The following KAT6B variants were observed in gnomAD, a reference collection of about 807,000 sequenced individuals.
KAT6B encodes the protein lysine acetyltransferase 6B.
Under a neutral mutation model 187.5 loss-of-function variants are expected in KAT6B, and 10 were observed. The observed-to-expected ratio is 0.05, with a 90% CI of 0.03 to 0.09. KAT6B has a LOEUF of 0.09. Among genes scored for constraint, KAT6B ranks in the 10% least tolerant of loss-of-function variants. The pLI, the probability that KAT6B is intolerant of heterozygous loss-of-function variation, is 1.00. For synonymous variants in KAT6B, 861 were observed against 926.8 expected, an observed-to-expected ratio of 0.93 and a Z score of 1.29; for missense variants, 1,952 against 2,558.9, an observed-to-expected ratio of 0.76 and a Z score of 5.12.
intron 3 of KAT6B, among the ~76,000 whole-genome samples, chr10:74,948,229 A>G (rs1251574928): frequency 6.6e-6 from 1 of 152,244 alleles, no homozygotes; most frequent in East Asian, 1.9e-4. Context: ...AAGTGTAGTA[A>G]TGGAATTACA....
intron 3 of KAT6B, among the ~76,000 whole-genome samples, chr10:74,959,273 T>C (rs1009543811): frequency 6.6e-6 from 1 of 152,178 alleles, no homozygotes; most frequent in Admixed American, 6.5e-5. Context: ...AATAGCAATC[T>C]GCGCTGCAAT....
chr10:74,863,146 TATAAA>T (rs1843308055), intron 3 of KAT6B, among the ~76,000 whole-genome samples: 1 of 152,258 alleles, frequency 6.6e-6, no homozygotes, highest in African/African-American at 2.4e-5. Flanking sequence ...CAAATTTGAC[TATAAA>T]GATAACTACT....
chr10:74,943,417 G>A (rs575142622), intron 3 of KAT6B, among the ~76,000 whole-genome samples: 285 of 152,246 alleles, frequency 1.9e-3, no homozygotes, highest in Middle Eastern at 3.4e-3. Flanking sequence ...GTCAAAACAA[G>A]CCCAGTAAAG....
intron 3 of KAT6B, among the ~76,000 whole-genome samples, chr10:74,858,077 G>A (rs12253069): frequency 0.023 from 3,510 of 152,040 alleles, 133 homozygotes; most frequent in African/African-American, 0.08. Flanking sequence ...CACAGTTTAT[G>A]GGAGTAATGC....
intron 3 of KAT6B, among the ~76,000 whole-genome samples, chr10:74,923,608 G>T (rs2133084246): frequency 6.6e-6 from 1 of 152,324 alleles, no homozygotes; most frequent in East Asian, 1.9e-4. Flanking sequence ...GCATGGAGAA[G>T]GAGTGTTCTA....
chr10:74,911,800 T>C (rs1284179240), intron 3 of KAT6B, among the ~76,000 whole-genome samples: 1 of 152,132 alleles, frequency 6.6e-6, no homozygotes, highest in Non-Finnish European at 1.5e-5. Context: ...ATGTACTGTT[T>C]CATTTTTAAA....
intron 3 of KAT6B, among the ~76,000 whole-genome samples, chr10:74,916,732 T>G (rs1357423306): frequency 1.3e-5 from 2 of 152,224 alleles, no homozygotes; most frequent in East Asian, 3.8e-4. Flanking sequence ...AAAATTCAGA[T>G]AGTGTAGATA....
intron 3 of KAT6B, among the ~76,000 whole-genome samples, chr10:74,872,795 A>G (rs997465909): frequency 1.3e-5 from 2 of 151,940 alleles, no homozygotes; most frequent in East Asian, 1.9e-4. Context: ...GGTTACAGGC[A>G]TGAGCCACTG....
At chr10:74,936,998 C>A (rs1169142627) in intron 3 of KAT6B, among the ~76,000 whole-genome samples, 1 of 152,078 alleles carries the variant, frequency 6.6e-6, no homozygotes. Context: ...TTGATGTTTT[C>A]TTTGGCAAGC....
At chr10:74,872,344 C>T (rs1444589862) in intron 3 of KAT6B, among the ~76,000 whole-genome samples, 1 of 152,158 alleles carries the variant, frequency 6.6e-6, no homozygotes, top group Non-Finnish European at 1.5e-5. Flanking sequence ...GCTACATGAC[C>T]TAAATAAAGG....
At chr10:74,950,266 GTA>G (rs1385026549) in intron 3 of KAT6B, among the ~76,000 whole-genome samples, 3 of 152,164 alleles carry the variant, frequency 2.0e-5, no homozygotes, top group Admixed American at 6.5e-5. Flanking sequence ...GGGTACAGGA[GTA>G]TAGAGAAAAT....
chr10:74,959,616 C>G (rs1333563963), intron 3 of KAT6B, among the ~76,000 whole-genome samples: 1 of 152,062 alleles, frequency 6.6e-6, no homozygotes, highest in Admixed American at 6.6e-5. Context: ...ATGGTGAAAC[C>G]CCATCTCTAC....
At chr10:74,958,090 T>A (rs1840815518) in intron 3 of KAT6B, among the ~76,000 whole-genome samples, 1 of 152,234 alleles carries the variant, frequency 6.6e-6, no homozygotes, top group Admixed American at 6.5e-5. Context: ...AAGATGAGAT[T>A]TGCAGTCATA....
Position 75,028,627 on chromosome 10 carries a change from G to A in KAT6B, c.3803G>A (p.Gly1268Glu). The change falls in exon 18 of 18, where the codon GGA becomes GAA. Residue 1268 changes from glycine to glutamate, a missense_variant. Coordinates refer to ENST00000287239, the MANE Select transcript of KAT6B (RefSeq NM_012330.4). ...KWRQNKERKT[G>E]FKLNLYTPPE... ...AGGCAAAACAAAGAGAGGAAGACCG[G>A]ATTTAAACTGAATTTGTACACCCCG... 2 of 1,614,162 alleles carry A rather than the reference G, an allele frequency of 1.2e-6. No homozygotes were observed. Among genetic ancestry groups the A allele is most frequent in the Non-Finnish European group, 1.7e-6 (2 of 1,180,032 alleles).
chr10:75,003,629 A>G (rs897515958), intron 13 of KAT6B, among the ~76,000 whole-genome samples: 3 of 152,196 alleles, frequency 2.0e-5, no homozygotes, highest in African/African-American at 4.8e-5. Context: ...AGTCTGTAAT[A>G]TAATAAGGAA....
At chr10:74,962,604 A>G (rs1169498303) in intron 4 of KAT6B, among the ~76,000 whole-genome samples, 3 of 152,200 alleles carry the variant, frequency 2.0e-5, no homozygotes, top group African/African-American at 4.8e-5. Flanking sequence ...GGAAATATAG[A>G]TGGCAGCCTG....
chr10:74,966,395 C>T (rs546903352), intron 4 of KAT6B, among the ~76,000 whole-genome samples: 1 of 152,314 alleles, frequency 6.6e-6, no homozygotes, highest in East Asian at 1.9e-4. Context: ...AGTATGTTTA[C>T]AGGTTATGGG....
At chr10:74,834,373 A>AT (rs1036125408) in intron 1 of KAT6B, among the ~76,000 whole-genome samples, 2 of 151,204 alleles carry the variant, frequency 1.3e-5, no homozygotes, top group Admixed American at 1.3e-4. Flanking sequence ...AATTTTTTGT[A>AT]TTTTAGTAGA....
intron 3 of KAT6B, among the ~76,000 whole-genome samples, chr10:74,951,962 T>A (rs528524044): frequency 6.6e-6 from 1 of 152,350 alleles, no homozygotes; most frequent in African/African-American, 2.4e-5. Flanking sequence ...ATGAACAGTC[T>A]CTGCCATCAT....
Sources: allele counts gnomAD v4.1 joint callset (sites outside exome capture counted in the v4.1 genomes callset), GRCh38; gene constraint gnomAD v4.1.1; transcripts MANE v1.5; gene names NCBI Gene and HGNC (gene_info 2026-07-23, HGNC 2026-07-21).